The following ALOXE3 variants were observed in gnomAD, a reference collection of about 807,000 sequenced individuals.
ALOXE3 encodes hydroperoxide isomerase ALOXE3.
A neutral mutation model predicts 87.5 loss-of-function variants in ALOXE3; 78 were observed. The observed-to-expected ratio is 0.89, with a 90% CI of 0.74 to 1.08. The LOEUF (loss-of-function observed/expected upper bound fraction) is 1.08, where lower values mean the gene tolerates loss of function less well. Ranked by LOEUF, ALOXE3 falls within the 50% of genes least tolerant of loss-of-function variation. ALOXE3 has a pLI of 0.00. For missense variants in ALOXE3, 946 were observed against 912.4 expected, an observed-to-expected ratio of 1.04 and a Z score of -0.47; for synonymous variants, 363 against 370.8, an observed-to-expected ratio of 0.98 and a Z score of 0.24.
chr17:8,112,855 C>A (rs1980223347), intron 6 of ALOXE3, among the ~76,000 whole-genome samples: 1 of 152,026 alleles, frequency 6.6e-6, no homozygotes, highest in Non-Finnish European at 1.5e-5. Context: ...TGTTTAGAGA[C>A]ACAATCATAG....
intron 15 of ALOXE3, among the ~76,000 whole-genome samples, chr17:8,101,763 C>T (rs146820310): frequency 6.6e-6 from 1 of 152,010 alleles, no homozygotes; most frequent in African/African-American, 2.4e-5. Context: ...TTAGCTCCCC[C>T]CAAGCAGCTG....
intron 4 of ALOXE3, 31 bp from the exon 5 acceptor site, chr17:8,115,088 G>C: frequency 6.2e-7 from 1 of 1,613,870 alleles, no homozygotes; most frequent in South Asian, 1.1e-5. Flanking sequence ...GAGGTGGCAG[G>C]TCATGCTCGG....
chr17:8,108,005 A>AAG lies in ALOXE3; in HGVS notation c.1684+461_1684+462dup, dbSNP rs1168784123. ...GAGAAAGAAAGAAAGGAAGGAAAGA[A>AAG]AGAAAGAAAGAAAGAAAGAAAGAAA... On this transcript the variant is annotated intron_variant, in intron 13 of 15. Transcript: ENST00000448843. Among the ~76,000 whole-genome samples, 3 of 44,296 alleles carry AAG rather than the reference A, an allele frequency of 6.8e-5. 1 individual carries two copies. Among genetic ancestry groups the AAG allele is most frequent in the African/African-American group, 1.4e-4 (2 of 14,254 alleles). 29.1% of individuals were successfully genotyped at this position (44,296 alleles called of 152,430 possible).
Position 8,096,730 on chromosome 17 carries a change from C to A in ALOXE3, c.2033G>T (p.Arg678Leu), listed in dbSNP as rs143323346. 3.1e-6 allele frequency: 5 copies of A among 1,614,070 alleles called. No individual in the cohort carries two copies. The highest frequency in any genetic ancestry group is 1.6e-4 in the Middle Eastern group (1 of 6,062). ...PRRSIAAFQS[R>L]LAQISRDIQE... ...GATGTCCCTTGAGATCTGGGCCAGG[C>A]GGCTCTGGAAGGCGGCGATGCTCCG... The change falls in exon 16 of 16, where the codon CGC (arginine) becomes CTC (leucine). Residue 678 changes from arginine to leucine, a missense_variant. Transcript: ENST00000448843.
intron 8 of ALOXE3, 69 bp from the exon 9 acceptor site, chr17:8,110,597 C>G: frequency 6.2e-7 from 1 of 1,605,878 alleles, no homozygotes; most frequent in Admixed American, 1.7e-5. Flanking sequence ...ATTTCCCTGC[C>G]CACTTCCACC....
In ALOXE3 at chr17:8,108,573, C is replaced by T. The variant is rs376957091; in HGVS notation, c.1579G>A (p.Val527Met). ...AAIESFVSEIVGYYYPSDASV... is the reference protein window; with the variant it reads ...AAIESFVSEIMGYYYPSDASV... ...GCGTCACTGGGATAATAGTAGCCCA[C>T]GATTTCTGAGACAAAGCTGCAGGAA... is the stretch of plus-strand genomic sequence containing the variant. The change falls in exon 13 of 16, where the codon GTG becomes ATG. Residue 527 changes from valine to methionine, a missense_variant. By Grantham distance (21) the Val-to-Met change is conservative. Coordinates refer to ENST00000448843, the MANE Select transcript of ALOXE3 (RefSeq NM_021628.3). The T allele has an allele frequency of 6.2e-7, 1 of 1,611,870 alleles. No homozygotes were observed. The highest frequency in any genetic ancestry group is 1.3e-5 in the African/African-American group (1 of 74,872).
Position 8,118,063 on chromosome 17 carries a change from C to A in ALOXE3, c.-73G>T. 1 of 1,580,078 alleles carries A rather than the reference C, an allele frequency of 6.3e-7. No homozygotes were observed. The highest frequency in any genetic ancestry group is 8.6e-7 in the Non-Finnish European group (1 of 1,165,070). ...GCCGGCCTGGAGGAGAAGAGCGGCA[C>A]GCCGGACAGGGCTGGGTTTCTGGGC... On this transcript the variant is annotated 5_prime_UTR_variant, in exon 2 of 16. Coordinates refer to ENST00000448843, the MANE Select transcript of ALOXE3 (RefSeq NM_021628.3).
Position 8,115,023 on chromosome 17 carries a change from C to A in ALOXE3, c.469G>T (p.Val157Leu). 1 of 1,614,142 alleles carries A rather than the reference C, an allele frequency of 6.2e-7. No individual in the cohort carries two copies. Among genetic ancestry groups the A allele is most frequent in the Non-Finnish European group, 8.5e-7 (1 of 1,180,000 alleles). The change falls in exon 5 of 16, where the codon GTA (valine) becomes TTA (leucine). Residue 157 changes from valine (V) to leucine (L), a missense_variant. Coordinates refer to ENST00000448843, the MANE Select transcript of ALOXE3 (RefSeq NM_021628.3). The part of the protein sequence containing the change: ...KIYAPGFPCM[V>L]DVNSFQEMES... ...ATCTCCTGAAAGCTGTTGACGTCTA[C>A]CATGCAGGGGAAGCCAGGGGCATAG...
chr17:8,109,792 A>T, intron 11 of ALOXE3, 124 bp downstream of exon 11: 2 of 958,580 alleles, frequency 2.1e-6, no homozygotes, highest in South Asian at 3.1e-5. Flanking sequence ...CAGTGATTGT[A>T]CAGGTGTTCT....
rs534609859 is a variant in ALOXE3, at chr17:8,118,410, T to A, written c.-314+76A>T. ...AGCGGCCCGGACTGATGCCCTGGAG[T>A]GCTTGTCCGCCCACTCCCCAATGTC... is the stretch of plus-strand genomic sequence containing the variant. On this transcript the variant is annotated intron_variant, in intron 1 of 15. Coordinates refer to ENST00000448843, the MANE Select transcript of ALOXE3 (RefSeq NM_021628.3). 5.4e-4 allele frequency: 831 copies of A among 1,550,702 alleles called. 20 individuals are homozygous for A. In the South Asian group the frequency reaches 9.5e-3, roughly 18 times the overall value.
At chr17:8,109,802 T>C (rs1869280836) in intron 11 of ALOXE3, 114 bp downstream of exon 11, 1 of 1,100,622 alleles carries the variant, frequency 9.1e-7, no homozygotes, top group Non-Finnish European at 1.3e-6. Context: ...ACAGGTGTTC[T>C]CACACCCCAG....
At chr17:8,114,409 G>A in intron 6 of ALOXE3, 75 bp downstream of exon 6, 5 of 1,604,090 alleles carry the variant, frequency 3.1e-6, no homozygotes, top group Non-Finnish European at 4.3e-6. Context: ...AGGGAGAAGG[G>A]GCAGTCTGGG....
At position 8,107,991 on chromosome 17, in the gene ALOXE3, A is replaced by G. The variant is rs867784322; in HGVS notation, c.1684+477T>C. 9.2e-4 allele frequency among the ~76,000 whole-genome samples: 15 copies of G among 16,236 alleles called. 4 individuals are homozygous for G. The highest frequency in any genetic ancestry group is 2.2e-3 in the African/African-American group (11 of 5,020). 10.7% of individuals were successfully genotyped at this position (16,236 alleles called of 152,430 possible). On this transcript the variant is annotated intron_variant, in intron 13 of 15. Coordinates refer to ENST00000448843, the MANE Select transcript of ALOXE3 (RefSeq NM_021628.3). ...GAGAGAGAGAGAGAGAGAAAGAAAG[A>G]AAGGAAGGAAAGAAAGAAAGAAAGA... is the stretch of plus-strand genomic sequence containing the variant.
rs968964579 is a variant in ALOXE3 at position 8,118,169 on chromosome 17, C to G, written c.-179G>C. 6 of 1,551,398 alleles carry G rather than the reference C, an allele frequency of 3.9e-6. No homozygotes were observed. The African/African-American group carries it at 8.2e-5, about 21-fold the overall frequency. ...GGGATGTTCCTGGGCTTTCTCTCTC[C>G]GAAGCTCCCTGCTGGCGGCTCGGGC... On this transcript the variant is annotated 5_prime_UTR_variant, in exon 2 of 16. Coordinates refer to ENST00000448843, the MANE Select transcript of ALOXE3 (RefSeq NM_021628.3).
rs562017032 is a variant in ALOXE3 at position 8,110,244 on chromosome 17, C to G, written c.1153G>C (p.Glu385Gln). The G allele has an allele frequency of 5.0e-6, 8 of 1,614,064 alleles. No homozygotes were observed. The South Asian group carries it at 8.8e-5, about 18-fold the overall frequency. The change falls in exon 10 of 16, where the codon GAA becomes CAA. Residue 385 changes from glutamate to glutamine, a missense_variant. Physicochemically the swap from Glu to Gln is conservative, Grantham distance 29. Transcript: ENST00000448843. ...DSPIFLPTDS[E>Q]WDWLLAKTWV... Reference sequence around the variant, plus strand: ...GTCTTGGCCAGCAGCCAGTCCCATTCGGAGTCAGTGGGCAGGAAGATGGGG... The same window carrying G: ...GTCTTGGCCAGCAGCCAGTCCCATTGGGAGTCAGTGGGCAGGAAGATGGGG...
Position 8,109,163 on chromosome 17 carries a change from G to A in ALOXE3, c.1562+11C>T, listed in dbSNP as rs977098204. On this transcript the variant is annotated intron_variant, in intron 12 of 15. Coordinates refer to ENST00000448843, the MANE Select transcript of ALOXE3 (RefSeq NM_021628.3). Reference sequence around the variant, plus strand: ...CTGGTGGGACTGCTGGTCCCGCCCCGCACCTCGCACCTCTCAATGGCCGCC... The same window carrying A: ...CTGGTGGGACTGCTGGTCCCGCCCCACACCTCGCACCTCTCAATGGCCGCC... The A allele has an allele frequency of 5.6e-6, 9 of 1,612,334 alleles. No individual in the cohort carries two copies. Among genetic ancestry groups the A allele is most frequent in the South Asian group, 3.3e-5 (3 of 91,078 alleles).
At chr17:8,116,201 C>T (rs893847813) in intron 3 of ALOXE3, among the ~76,000 whole-genome samples, 4 of 152,196 alleles carry the variant, frequency 2.6e-5, no homozygotes, top group African/African-American at 9.7e-5. Context: ...GAGCCTCCTC[C>T]CAACACCCAG....
intron 15 of ALOXE3, among the ~76,000 whole-genome samples, chr17:8,099,027 T>TTC (rs1219175662): frequency 2.0e-5 from 3 of 148,840 alleles, no homozygotes; most frequent in Non-Finnish European, 3.0e-5. Context: ...GTTTTCTTTT[T>TTC]TTTTTTTTTT....
intron 3 of ALOXE3, 45 bp from the exon 4 acceptor site, chr17:8,115,733 C>A: frequency 1.3e-6 from 2 of 1,573,620 alleles, no homozygotes; most frequent in Non-Finnish European, 1.7e-6. Flanking sequence ...TCTTTTCCAA[C>A]AACATCTTCT....
Sources: allele counts gnomAD v4.1 joint callset (sites outside exome capture counted in the v4.1 genomes callset), GRCh38; gene constraint gnomAD v4.1.1; transcripts MANE v1.5; gene names NCBI Gene and HGNC (gene_info 2026-07-23, HGNC 2026-07-21).